The following F8 variants were observed in gnomAD, a reference collection of about 807,000 sequenced individuals.
F8 encodes coagulation factor VIII.
In F8, 12 loss-of-function variants were observed where a neutral mutation model predicts 140.6. The observed-to-expected ratio is 0.09, with a 90% confidence interval of 0.05 to 0.14. The LOEUF is 0.14. Ranked by LOEUF, F8 falls within the 10% of genes least tolerant of loss-of-function variation. F8 has a pLI of 1.00. For synonymous variants in F8, 585 were observed against 614.6 expected (o/e 0.95, Z 0.71); for missense variants, 1,354 against 1,720.7 (o/e 0.79, Z 3.77).
chrX:154,924,479 G>A (rs1428488270), intron 14 of F8, among the ~76,000 whole-genome samples: 1 of 112,088 alleles, frequency 8.9e-6, no homozygotes, highest in East Asian at 2.8e-4. Flanking sequence ...AGATACTGGT[G>A]GCATTTTGCT....
chrX:154,850,447 T>C lies in F8; in HGVS notation c.6900+9985A>G, dbSNP rs959927705. ...CTGGCCAGCAGGCTTGGTTCTTTTT[T>C]TTTTTCTTTTCCTTTTCTTCTTCTT... On this transcript the variant is annotated intron_variant, in intron 25 of 25. Transcript: ENST00000360256. 1.0e-4 allele frequency among the ~76,000 whole-genome samples: 11 copies of C among 106,441 alleles called. No individual in the cohort carries two copies. In the Admixed American group the frequency reaches 1.0e-3, roughly 10 times the overall value. 92.4% of individuals were successfully genotyped at this position (106,441 alleles called of 115,157 possible). A position where few individuals can be genotyped will look rare whatever the true frequency, so the allele number is the denominator to read the frequency against.
chrX:154,988,796 C>T (rs1396763293), intron 4 of F8, among the ~76,000 whole-genome samples: 1 of 111,848 alleles, frequency 8.9e-6, no homozygotes, highest in Non-Finnish European at 1.9e-5. Context: ...TGGCCCTAAA[C>T]AAAGAGTGAG....
At chrX:155,009,596 G>A (rs2073695981) in intron 1 of F8, among the ~76,000 whole-genome samples, 1 of 110,371 alleles carries the variant, frequency 9.1e-6, no homozygotes, top group Non-Finnish European at 1.9e-5. Context: ...TTAGCTGGGC[G>A]TGGTGGGGCA....
intron 22 of F8, among the ~76,000 whole-genome samples, chrX:154,873,491 G>T (rs1408599230): frequency 8.9e-6 from 1 of 111,966 alleles, no homozygotes; most frequent in Non-Finnish European, 1.9e-5. Flanking sequence ...GCCTCCCAAA[G>T]TGCTGGGATT....
At chrX:154,944,698 C>T (rs2073292545) in intron 13 of F8, among the ~76,000 whole-genome samples, 1 of 111,531 alleles carries the variant, frequency 9.0e-6, no homozygotes, top group South Asian at 3.8e-4. Context: ...ATAAATCATG[C>T]TGCTATAGAG....
intron 12 of F8, among the ~76,000 whole-genome samples, 155 bp from the exon 13 acceptor site, chrX:154,948,062 A>AT (rs1444126973): frequency 1.8e-5 from 2 of 111,948 alleles, no homozygotes; most frequent in African/African-American, 6.5e-5. Flanking sequence ...TAGATTGTTA[A>AT]TAATCAGTTG....
rs183308610 is a variant in F8 at position 154,991,044 on chromosome X, A to G, written c.601+1892T>C. ...GAGAAAGTAATGTGCTTTTCCCCCA[A>G]TGTCTTAGATCTGTAGCTGTACTGA... is the stretch of plus-strand genomic sequence containing the variant. On this transcript the variant is annotated intron_variant, in intron 4 of 25. Transcript: ENST00000360256. 8.0e-5 allele frequency among the ~76,000 whole-genome samples: 9 copies of G among 112,272 alleles called. No individual in the cohort carries two copies. The South Asian group carries it at 1.5e-3, about 18-fold the overall frequency.
At position 154,930,174 on chromosome X, in the gene F8, T is replaced by C; in HGVS notation, c.3616A>G (p.Thr1206Ala). The C allele has an allele frequency of 8.3e-7, 1 of 1,207,513 alleles. No individual in the cohort carries two copies. The highest frequency in any genetic ancestry group is 1.1e-6 in the Non-Finnish European group (1 of 893,834). Residue 1206 changes from threonine to alanine, a missense_variant, in exon 14 of 26, where the codon ACA becomes GCA. Transcript: ENST00000360256. Reference protein sequence around the residue: ...TNLDNLHENNTHNQEKKIQEE... With the variant: ...TNLDNLHENNAHNQEKKIQEE... Reference sequence around the variant, plus strand: ...TGAATTTTTTTTTCTTGATTGTGTGTATTATTTTCATGTAAATTATCCAAG... The same window carrying C: ...TGAATTTTTTTTTCTTGATTGTGTGCATTATTTTCATGTAAATTATCCAAG...
intron 25 of F8, among the ~76,000 whole-genome samples, chrX:154,839,483 C>G (rs2072502286): frequency 9.2e-6 from 1 of 109,218 alleles, no homozygotes; most frequent in Admixed American, 9.7e-5. Context: ...CTGCCTCAGC[C>G]TCCCAAGTAG....
chrX:155,009,969 T>C (rs370276091), intron 1 of F8, among the ~76,000 whole-genome samples: 31 of 111,190 alleles, frequency 2.8e-4, no homozygotes, highest in African/African-American at 9.5e-4. Context: ...CAAGTATATG[T>C]GATTCAGGAC....
intron 4 of F8, among the ~76,000 whole-genome samples, chrX:154,989,224 T>C (rs2073574715): frequency 8.9e-6 from 1 of 111,774 alleles, no homozygotes; most frequent in Admixed American, 9.5e-5. Flanking sequence ...TCTTAAAACA[T>C]TCTAATTACT....
At chrX:154,989,685 A>C (rs1271528899) in intron 4 of F8, among the ~76,000 whole-genome samples, 1 of 112,356 alleles carries the variant, frequency 8.9e-6, no homozygotes, top group Non-Finnish European at 1.9e-5. Flanking sequence ...GAATGAAAAA[A>C]CAAACTATAG....
intron 25 of F8, among the ~76,000 whole-genome samples, chrX:154,848,788 A>C (rs1557271962): frequency 9.1e-6 from 1 of 110,304 alleles, no homozygotes; most frequent in Non-Finnish European, 1.9e-5. Context: ...GGCTGCACCC[A>C]CTGTCCTGCA....
intron 6 of F8, 76 bp downstream of exon 6, chrX:154,984,611 G>A: frequency 2.7e-6 from 2 of 747,383 alleles, no homozygotes; most frequent in Non-Finnish European, 4.2e-6. Flanking sequence ...ATGCCGAGCT[G>A]TTTGTGAACT....
chrX:154,868,848 GA>G (rs1260583357), intron 22 of F8, among the ~76,000 whole-genome samples: 10 of 108,889 alleles, frequency 9.2e-5, no homozygotes, highest in African/African-American at 3.4e-4. Context: ...AGGGATGGAG[GA>G]ATATTTACCA....
chrX:154,901,528 C>T lies in F8; in HGVS notation c.6116-86G>A, dbSNP rs2073009690. 5 of 636,899 alleles carry T rather than the reference C, an allele frequency of 7.9e-6. No individual in the cohort carries two copies. In the South Asian group the frequency reaches 1.1e-4, roughly 14 times the overall value. The allele number at this position is 636,899 out of a possible 1,213,427, so 52.5% of individuals were successfully genotyped here. On this transcript the variant is annotated intron_variant, in intron 19 of 25. Coordinates refer to ENST00000360256, the MANE Select transcript of F8 (RefSeq NM_000132.4). Reference sequence around the variant, plus strand: ...TAAGTCAATGAAAATGGGAGAACGTCAACAAATGCTATTTTTTAGTGTTTA... The same window carrying T: ...TAAGTCAATGAAAATGGGAGAACGTTAACAAATGCTATTTTTTAGTGTTTA...
intron 22 of F8, among the ~76,000 whole-genome samples, chrX:154,867,359 C>T (rs1357877896): frequency 1.8e-5 from 2 of 110,900 alleles, no homozygotes; most frequent in Non-Finnish European, 3.8e-5. Flanking sequence ...CACCCTGATA[C>T]CATATCCAGG....
chrX:154,862,685 C>T (rs2072702176), intron 23 of F8, among the ~76,000 whole-genome samples: 1 of 111,986 alleles, frequency 8.9e-6, no homozygotes, highest in Admixed American at 9.5e-5. Context: ...TGGCCTCTAG[C>T]TGCATCTATG....
At chrX:154,924,245 G>A (rs1430000901) in intron 14 of F8, among the ~76,000 whole-genome samples, 4 of 112,119 alleles carry the variant, frequency 3.6e-5, no homozygotes, top group Non-Finnish European at 5.6e-5. Flanking sequence ...ATGTGGAAGC[G>A]ACTTTGGAAC....
Sources: gnomAD v4.1 joint callset for allele counts (sites outside exome capture counted in the v4.1 genomes callset) on GRCh38, gnomAD v4.1.1 for gene constraint, MANE v1.5 for transcripts, NCBI Gene and HGNC (gene_info 2026-07-23, HGNC 2026-07-21) for gene names.